The following GRM8 variants were observed in gnomAD, a reference collection of about 807,000 sequenced individuals.
GRM8 encodes the protein metabotropic glutamate receptor 8.
Under a neutral mutation model 87.2 loss-of-function variants are expected in GRM8, and 47 were observed. That is an observed-to-expected ratio of 0.54 (90% confidence interval 0.43 to 0.69). The LOEUF is 0.69. GRM8 is among the 30% of genes least tolerant of loss of function. The pLI is 0.00. For synonymous variants in GRM8, 396 were observed against 404.5 expected (o/e 0.98, Z 0.25); for missense variants, 1,019 against 1,139.2 (o/e 0.89, Z 1.52).
At chr7:126,675,418 C>A (rs1806858843) in intron 7 of GRM8, among the ~76,000 whole-genome samples, 1 of 152,054 alleles carries the variant, frequency 6.6e-6, no homozygotes. Flanking sequence ...ATACCTAAGC[C>A]AGGAAAGGAA....
At chr7:126,743,755 T>C (rs1815300714) in intron 7 of GRM8, among the ~76,000 whole-genome samples, 1 of 152,108 alleles carries the variant, frequency 6.6e-6, no homozygotes, top group Admixed American at 6.5e-5. Flanking sequence ...AGAGAAATTA[T>C]TTAGAATAGT....
At chr7:126,478,791 T>G (rs1477848831) in intron 9 of GRM8, among the ~76,000 whole-genome samples, 1 of 152,116 alleles carries the variant, frequency 6.6e-6, no homozygotes, top group Non-Finnish European at 1.5e-5. Flanking sequence ...TGCTAATTTT[T>G]AGTAAGCTTC....
chr7:127,103,476 G>A (rs530189749), intron 3 of GRM8, among the ~76,000 whole-genome samples: 20 of 152,262 alleles, frequency 1.3e-4, no homozygotes, highest in Non-Finnish European at 2.9e-4. Flanking sequence ...CTCCCCAGTA[G>A]TGGATGCCAC....
intron 6 of GRM8, among the ~76,000 whole-genome samples, chr7:126,833,621 T>C (rs560320351): frequency 1.2e-3 from 179 of 152,316 alleles, no homozygotes; most frequent in African/African-American, 4.2e-3. Context: ...CGTGTGTCTC[T>C]TTCTCGTCTT....
chr7:127,082,182 C>T (rs1586945865), intron 3 of GRM8: 2 of 152,328 alleles, frequency 1.3e-5, no homozygotes, highest in South Asian at 4.1e-4. Flanking sequence ...ATCCTGAAAA[C>T]ATTTTTATTT....
At chr7:127,076,452 A>G (rs1177565409) in intron 3 of GRM8, among the ~76,000 whole-genome samples, 26 of 152,154 alleles carry the variant, frequency 1.7e-4, no homozygotes, top group Admixed American at 1.7e-3. Context: ...AAGCAGAAAG[A>G]ACAGAGAGAG....
At chr7:126,929,570 A>G (rs1026474116) in intron 3 of GRM8, among the ~76,000 whole-genome samples, 4 of 152,066 alleles carry the variant, frequency 2.6e-5, no homozygotes, top group African/African-American at 9.7e-5. Flanking sequence ...CATAGCTGGG[A>G]CTGCAGGCAC....
At chr7:126,776,102 A>C (rs1230879663) in intron 6 of GRM8, among the ~76,000 whole-genome samples, 1 of 152,158 alleles carries the variant, frequency 6.6e-6, no homozygotes, top group South Asian at 2.1e-4. Context: ...TACTAGGCTT[A>C]AATACTGAAT....
At chr7:126,826,573 T>C (rs1488273729) in intron 6 of GRM8, among the ~76,000 whole-genome samples, 2 of 152,296 alleles carry the variant, frequency 1.3e-5, no homozygotes, top group Non-Finnish European at 2.9e-5. Flanking sequence ...GGTTGTTTTT[T>C]TCTTGTAAAT....
chr7:127,162,715 A>G (rs1467158398), intron 2 of GRM8, among the ~76,000 whole-genome samples: 1 of 152,190 alleles, frequency 6.6e-6, no homozygotes, highest in African/African-American at 2.4e-5. Context: ...ATGAACCAGA[A>G]CTACTTTTTC....
chr7:127,156,329 A>C (rs1016848107), intron 2 of GRM8, among the ~76,000 whole-genome samples: 12 of 152,164 alleles, frequency 7.9e-5, no homozygotes, highest in Non-Finnish European at 2.9e-5. Context: ...TCTGGGCTGC[A>C]TTGGGAGAAG....
chr7:126,465,294 T>C (rs891200788), intron 9 of GRM8: 3 of 151,620 alleles, frequency 2.0e-5, no homozygotes, highest in Admixed American at 6.6e-5. Flanking sequence ...TTCGCTCTTC[T>C]TGGTCCTGTA....
intron 3 of GRM8, among the ~76,000 whole-genome samples, chr7:126,960,297 G>T (rs559055246): frequency 1.3e-5 from 2 of 152,276 alleles, no homozygotes; most frequent in Admixed American, 6.5e-5. Context: ...ATTTACTAAT[G>T]CAATACTGTT....
At chr7:126,844,045 G>C (rs1188134068) in intron 6 of GRM8, among the ~76,000 whole-genome samples, 1 of 152,190 alleles carries the variant, frequency 6.6e-6, no homozygotes, top group African/African-American at 2.4e-5. Context: ...TTAATGTGCT[G>C]ATTAACAATA....
chr7:126,664,489 C>T (rs2151289239), intron 7 of GRM8, among the ~76,000 whole-genome samples: 1 of 151,880 alleles, frequency 6.6e-6, no homozygotes, highest in South Asian at 2.1e-4. Flanking sequence ...GTCATCCAAT[C>T]TTCAACAAAG....
Position 126,533,225 on chromosome 7 carries a change from G to A in GRM8, c.2157C>T (p.Pro719=), listed in dbSNP as rs769201. Residue 719 remains proline, a synonymous_variant, in exon 9 of 11, where the codon CCC becomes CCT. Transcript: ENST00000339582. ...GVFVWFVVDP[P]HIIIDYGEQR... ...GCTCTCCATAGTCAATGATGATGTG[G>A]GGGGGATCCACAACAAACCAGACAA... 1.9e-6 allele frequency: 3 copies of A among 1,613,172 alleles called. No individual in the cohort carries two copies. The highest frequency in any genetic ancestry group is 3.3e-5 in the Admixed American group (2 of 59,900).
At chr7:126,759,417 T>G (rs1817358480) in intron 7 of GRM8, among the ~76,000 whole-genome samples, 1 of 152,120 alleles carries the variant, frequency 6.6e-6, no homozygotes. Flanking sequence ...TATATAATTT[T>G]GAAGAAACAA....
chr7:126,596,276 A>G (rs1797190888), intron 8 of GRM8, among the ~76,000 whole-genome samples: 1 of 152,226 alleles, frequency 6.6e-6, no homozygotes, highest in Non-Finnish European at 1.5e-5. Flanking sequence ...TTGCACCAGC[A>G]GTGTATAAAC....
chr7:126,655,294 A>G (rs1332633032), intron 7 of GRM8, among the ~76,000 whole-genome samples: 1 of 152,178 alleles, frequency 6.6e-6, no homozygotes, highest in Non-Finnish European at 1.5e-5. Flanking sequence ...CATCTTCTCT[A>G]TCCACTTATC....
Sources: gnomAD v4.1 joint callset for allele counts (sites outside exome capture counted in the v4.1 genomes callset) on GRCh38, gnomAD v4.1.1 for gene constraint, MANE v1.5 for transcripts, NCBI Gene and HGNC (gene_info 2026-07-23, HGNC 2026-07-21) for gene names.